LRFN2: variants seen among roughly 807,000 people sequenced by gnomAD.
LRFN2 encodes the protein leucine rich repeat and fibronectin type III domain containing 2, also known as leucine-rich repeat and fibronectin type-III domain-containing protein 2.
Under a neutral mutation model 37.3 loss-of-function variants are expected in LRFN2, and 18 were observed. That is an observed-to-expected ratio of 0.48 (90% CI 0.33 to 0.72). The LOEUF is 0.72. LRFN2 is among the 30% of genes least tolerant of loss of function. LRFN2 has a pLI of 0.02. For missense variants in LRFN2, 1,006 were observed against 1,060.7 expected (o/e 0.95, Z 0.72); for synonymous variants, 556 against 466.6 (o/e 1.19, Z -2.47).
intron 1 of LRFN2, among the ~76,000 whole-genome samples, chr6:40,580,824 T>G (rs1039298610): frequency 5.3e-5 from 8 of 152,194 alleles, no homozygotes; most frequent in Non-Finnish European, 1.5e-5. Context: ...TATGAACTCA[T>G]GAACGTGTGT....
chr6:40,547,525 C>T (rs1766689101), intron 1 of LRFN2, among the ~76,000 whole-genome samples: 1 of 152,134 alleles, frequency 6.6e-6, no homozygotes, highest in South Asian at 2.1e-4. Context: ...TGGGCATCTT[C>T]CATTTGACCC....
Position 40,431,771 on chromosome 6 carries a change from C to G in LRFN2, c.1343G>C (p.Arg448Pro). The G allele has an allele frequency of 1.3e-6, 2 of 1,528,336 alleles. No individual in the cohort carries two copies. The highest frequency in any genetic ancestry group is 1.8e-4 in the Middle Eastern group (1 of 5,614). 94.7% of individuals were successfully genotyped at this position (1,528,336 alleles called of 1,614,324 possible). The change falls in exon 2 of 3, where the codon CGG (arginine) becomes CCG (proline). Residue 448 changes from arginine (R) to proline (P), a missense_variant. Arg to Pro is a moderately radical substitution (Grantham distance 103). This residue lies in a region of LRFN2 where 120 missense variants were observed against 178.4 expected (regional missense o/e 0.67). Transcript: ENST00000338305. ...GTACTGCAGCTGGTACATCTTCACCCGGGGTGCTGACTTGCTGACAGACCA... is the reference window on the plus strand; with the variant it reads ...GTACTGCAGCTGGTACATCTTCACCGGGGGTGCTGACTTGCTGACAGACCA... ...VKWSVSKSAP[R>P]VKMYQLQYNC...
At chr6:40,414,871 C>T (rs529769601) in intron 2 of LRFN2, among the ~76,000 whole-genome samples, 14 of 152,300 alleles carry the variant, frequency 9.2e-5, no homozygotes, top group Admixed American at 6.5e-4. Context: ...CAAGATGGTT[C>T]CGGACAATGT....
intron 1 of LRFN2, among the ~76,000 whole-genome samples, chr6:40,445,812 T>C (rs1165314753): frequency 6.6e-6 from 1 of 152,190 alleles, no homozygotes; most frequent in African/African-American, 2.4e-5. Flanking sequence ...GGCCCTGTGG[T>C]CTTGGGCAAG....
chr6:40,579,613 A>AAG lies in LRFN2; in HGVS notation c.-19+7327_-19+7328insCT. Among the ~76,000 whole-genome samples, 3 of 145,058 alleles carry AAG rather than the reference A, an allele frequency of 2.1e-5. No individual in the cohort carries two copies. In the East Asian group the frequency reaches 6.0e-4, roughly 29 times the overall value. On this transcript the variant is annotated intron_variant, in intron 1 of 2. Transcript: ENST00000338305. ...TAAGCAACACACACGAACACACACA[A>AAG]ACACACACACACACACACACACACG...
At chr6:40,553,476 C>T (rs903538367) in intron 1 of LRFN2, among the ~76,000 whole-genome samples, 9 of 152,156 alleles carry the variant, frequency 5.9e-5, no homozygotes, top group African/African-American at 2.2e-4. Context: ...GCTGAGCAAA[C>T]ACCAAGTTCA....
intron 1 of LRFN2, among the ~76,000 whole-genome samples, chr6:40,451,454 G>C (rs1172007887): frequency 6.6e-6 from 1 of 152,304 alleles, no homozygotes; most frequent in South Asian, 2.1e-4. Context: ...GCTCAAGAGG[G>C]TGGGGCAAGA....
At chr6:40,497,098 GAGA>G (rs1765246267) in intron 1 of LRFN2, among the ~76,000 whole-genome samples, 1 of 152,156 alleles carries the variant, frequency 6.6e-6, no homozygotes, top group South Asian at 2.1e-4. Context: ...GCTGGGAGGA[GAGA>G]AGTTTATAGC....
At chr6:40,457,347 G>A (rs1242995825) in intron 1 of LRFN2, among the ~76,000 whole-genome samples, 2 of 151,840 alleles carry the variant, frequency 1.3e-5, no homozygotes, top group Admixed American at 6.6e-5. Flanking sequence ...AAGTTTGGGG[G>A]AGAAAAAGGG....
chr6:40,517,329 T>C (rs1271161170), intron 1 of LRFN2: 1 of 152,162 alleles, frequency 6.6e-6, no homozygotes, highest in Non-Finnish European at 1.5e-5. Context: ...GATGAAGGTA[T>C]GATTCCTAGG....
intron 2 of LRFN2, among the ~76,000 whole-genome samples, chr6:40,410,342 G>A (rs1367573189): frequency 2.6e-5 from 4 of 152,158 alleles, no homozygotes; most frequent in African/African-American, 9.7e-5. Context: ...GAGCACGGGG[G>A]AGGCAGGAGG....
chr6:40,568,096 G>T (rs977453521), intron 1 of LRFN2, among the ~76,000 whole-genome samples: 1 of 152,050 alleles, frequency 6.6e-6, no homozygotes, highest in South Asian at 2.1e-4. Flanking sequence ...CTTATAAACT[G>T]GGTTTTACCT....
intron 1 of LRFN2, among the ~76,000 whole-genome samples, chr6:40,498,653 C>A (rs1332109510): frequency 6.6e-6 from 1 of 152,240 alleles, no homozygotes; most frequent in East Asian, 1.9e-4. Context: ...ACGCCCAGCC[C>A]ACTCTGCGAC....
intron 2 of LRFN2, among the ~76,000 whole-genome samples, chr6:40,420,593 T>A (rs962673576): frequency 6.6e-6 from 1 of 152,242 alleles, no homozygotes; most frequent in African/African-American, 2.4e-5. Flanking sequence ...TCTGTGGCCA[T>A]CATACGCCTC....
rs780851077 is a variant in LRFN2 at position 40,392,541 on chromosome 6, G to A, written c.1772C>T (p.Pro591Leu). The change falls in exon 3 of 3, where the codon CCA becomes CTA. Residue 591 changes from proline (P) to leucine (L), a missense_variant. By Grantham distance (98) the Pro-to-Leu change is moderately conservative. Transcript: ENST00000338305. The surrounding 1 kb of genome is among the most constrained non-coding windows in gnomAD (Gnocchi z 4.7). ...CGGGCCCTGCGGCGGGGCCCCGGCT[G>A]GTGCGCTGCTTGGAGGCGGTGGCTG... ...GAQPPPPSSA[P>L]AGAPPQGPPK... The A allele has an allele frequency of 1.9e-6, 3 of 1,579,360 alleles. No homozygotes were observed. Among genetic ancestry groups the A allele is most frequent in the East Asian group, 2.3e-5 (1 of 42,696 alleles).
chr6:40,510,427 C>T (rs1765673619), intron 1 of LRFN2, among the ~76,000 whole-genome samples: 1 of 152,226 alleles, frequency 6.6e-6, no homozygotes, highest in African/African-American at 2.4e-5. Flanking sequence ...TTTCCTGGTT[C>T]ATGAACCTCA....
intron 1 of LRFN2, among the ~76,000 whole-genome samples, chr6:40,555,002 A>G (rs1330908898): frequency 6.6e-6 from 1 of 152,256 alleles, no homozygotes. Context: ...ATGCTGGTGG[A>G]AAGTTCCTCC....
Position 40,522,086 on chromosome 6 carries a change from G to A in LRFN2, c.-19+64855C>T, listed in dbSNP as rs138858480. 2.1e-3 allele frequency among the ~76,000 whole-genome samples: 317 copies of A among 152,286 alleles called. 2 individuals are homozygous for A. Among genetic ancestry groups the A allele is most frequent in the African/African-American group, 6.8e-3 (283 of 41,570 alleles). On this transcript the variant is annotated intron_variant, in intron 1 of 2. Transcript: ENST00000338305. ...AGGATGGGTCCTCACAGAGCCAGACGTTGTATGTGGTGCTGCCAGCTGCAA... is the reference window on the plus strand; with the variant it reads ...AGGATGGGTCCTCACAGAGCCAGACATTGTATGTGGTGCTGCCAGCTGCAA...
intron 1 of LRFN2, among the ~76,000 whole-genome samples, chr6:40,540,097 G>A (rs1581785630): frequency 6.6e-6 from 1 of 152,294 alleles, no homozygotes; most frequent in East Asian, 1.9e-4. Flanking sequence ...CACATGTGGT[G>A]TCTGACGTGG....
Sources: gnomAD v4.1 joint callset for allele counts (sites outside exome capture counted in the v4.1 genomes callset) on GRCh38, gnomAD v4.1.1 for gene constraint, gnomAD v4.1.1 regional missense constraint, Gnocchi (gnomAD v3.1) non-coding constraint, MANE v1.5 for transcripts, NCBI Gene and HGNC (gene_info 2026-07-23, HGNC 2026-07-21) for gene names.